PUM2: variants seen among roughly 807,000 people sequenced by gnomAD.
PUM2 encodes pumilio RNA binding family member 2, also known as pumilio homolog 2.
A neutral mutation model predicts 124.5 loss-of-function variants in PUM2; 57 were observed. That is an observed-to-expected ratio of 0.46 (90% CI 0.37 to 0.57). The LOEUF is 0.57. Among genes scored for constraint, PUM2 ranks in the 20% least tolerant of loss-of-function variants. PUM2 has a pLI of 0.00. For synonymous variants in PUM2, 460 were observed against 446.1 expected (o/e 1.03, Z -0.39); for missense variants, 1,065 against 1,290.6 (o/e 0.83, Z 2.68).
intron 4 of PUM2, 74 bp downstream of exon 4, chr2:20,312,162 A>T (rs1178447008): frequency 7.5e-7 from 1 of 1,342,050 alleles, no homozygotes; most frequent in African/African-American, 1.5e-5. Flanking sequence ...AAACAAATTG[A>T]ATTAAAAATA....
At chr2:20,275,736 G>C (rs1050277982) in intron 13 of PUM2, among the ~76,000 whole-genome samples, 2 of 151,852 alleles carry the variant, frequency 1.3e-5, no homozygotes, top group African/African-American at 4.8e-5. Flanking sequence ...AAGAGACATA[G>C]GAACATCTTA....
chr2:20,323,908 C>A (rs1446295546), intron 2 of PUM2, among the ~76,000 whole-genome samples: 9 of 58,422 alleles, frequency 1.5e-4, no homozygotes, highest in Admixed American at 2.8e-4. Context: ...TACGGACTAG[C>A]AAAAAAAAAA....
intron 1 of PUM2, among the ~76,000 whole-genome samples, chr2:20,328,507 C>T (rs948148490): frequency 6.6e-5 from 10 of 152,256 alleles, no homozygotes; most frequent in Middle Eastern, 3.4e-3. Context: ...AATAACCACT[C>T]CAAGACGACC....
intron 5 of PUM2, 71 bp from the exon 6 acceptor site, chr2:20,308,655 A>G: frequency 2.1e-6 from 3 of 1,410,628 alleles, no homozygotes; most frequent in Non-Finnish European, 2.9e-6. Context: ...GAAAATAGAA[A>G]AATCATGAAA....
At chr2:20,258,445 T>G (rs1665348994) in intron 15 of PUM2, 74 bp from the exon 16 acceptor site, 1 of 1,475,714 alleles carries the variant, frequency 6.8e-7, no homozygotes, top group African/African-American at 1.4e-5. Flanking sequence ...AGGCAGTGTT[T>G]GCAGTCTATT....
chr2:20,337,581 C>T (rs979505410), intron 1 of PUM2, among the ~76,000 whole-genome samples: 4 of 152,120 alleles, frequency 2.6e-5, no homozygotes, highest in Non-Finnish European at 5.9e-5. Context: ...AGCAGTCTGA[C>T]AGAAAGCCAC....
intron 1 of PUM2, among the ~76,000 whole-genome samples, chr2:20,342,066 T>G (rs1254201555): frequency 6.6e-6 from 1 of 151,150 alleles, no homozygotes; most frequent in Non-Finnish European, 1.5e-5. Flanking sequence ...GAGGTGGTGG[T>G]TGCATGGAGC....
intron 14 of PUM2, 27 bp from the exon 15 acceptor site, chr2:20,260,493 CAA>C (rs755188021): frequency 6.3e-7 from 1 of 1,575,982 alleles, no homozygotes; most frequent in South Asian, 1.1e-5. Context: ...TTTAATATGA[CAA>C]TATGTTTTTT....
At chr2:20,291,459 G>A (rs1674057059) in intron 9 of PUM2, among the ~76,000 whole-genome samples, 1 of 152,198 alleles carries the variant, frequency 6.6e-6, no homozygotes, top group Admixed American at 6.5e-5. Context: ...CCGACCGACT[G>A]CATATTCCTC....
chr2:20,297,503 T>C (rs1339816371), intron 8 of PUM2, 50 bp downstream of exon 8: 1 of 1,442,854 alleles, frequency 6.9e-7, no homozygotes, highest in Non-Finnish European at 9.3e-7. Flanking sequence ...CACCCAAAAC[T>C]AAATACATTA....
At chr2:20,336,861 A>T (rs1406916881) in intron 1 of PUM2, among the ~76,000 whole-genome samples, 1 of 150,906 alleles carries the variant, frequency 6.6e-6, no homozygotes, top group African/African-American at 2.4e-5. Flanking sequence ...AGTTCAAGTA[A>T]TCCTTCCACC....
intron 10 of PUM2, 50 bp downstream of exon 10, chr2:20,290,602 A>G (rs905374244): frequency 3.2e-6 from 5 of 1,545,230 alleles, no homozygotes; most frequent in Non-Finnish European, 4.4e-6. Flanking sequence ...GAGTACCTAC[A>G]CTTAACATCT....
chr2:20,272,971 A>G (rs1018201426), intron 13 of PUM2, among the ~76,000 whole-genome samples: 2 of 152,234 alleles, frequency 1.3e-5, no homozygotes, highest in Non-Finnish European at 2.9e-5. Flanking sequence ...TAAGAGATAT[A>G]TGCTACTTTC....
At position 20,336,746 on chromosome 2, in the gene PUM2, ATCTGTG is replaced by A. The variant is rs1204442216; in HGVS notation, c.-18-9374_-18-9369del. On this transcript the variant is annotated intron_variant, in intron 1 of 20. Transcript: ENST00000361078. ...GGGTCTCACCATGTTGCCCAGGCTG[ATCTGTG>A]TGTGTGTGTGTGTGTGTGTGTGTGT... is the stretch of plus-strand genomic sequence containing the variant. Among the ~76,000 whole-genome samples the A allele has an allele frequency of 1.7e-4, 15 of 87,382 alleles. No individual in the cohort carries two copies. In the South Asian group the frequency reaches 4.0e-3, roughly 23 times the overall value. 57.3% of individuals were successfully genotyped at this position (87,382 alleles called of 152,430 possible). A position where few individuals can be genotyped will look rare whatever the true frequency, so the allele number is the denominator to read the frequency against.
intron 1 of PUM2, chr2:20,350,380 G>T (rs1305377443): frequency 2.6e-6 from 2 of 773,348 alleles, no homozygotes; most frequent in Non-Finnish European, 3.1e-6. Context: ...AGCGGCCGGC[G>T]CGGCGCCCCC....
intron 5 of PUM2, among the ~76,000 whole-genome samples, chr2:20,309,721 G>A (rs1035143542): frequency 6.6e-6 from 1 of 152,068 alleles, no homozygotes; most frequent in East Asian, 1.9e-4. Context: ...TGTTCTACCT[G>A]GCTTTTAATG....
intron 19 of PUM2, 88 bp from the exon 20 acceptor site, chr2:20,254,102 G>T: frequency 1.7e-6 from 2 of 1,143,874 alleles, no homozygotes; most frequent in South Asian, 1.5e-5. Flanking sequence ...CTTCTCCAAT[G>T]AACAATAAAA....
At chr2:20,329,174 CAAA>C (rs769818181) in intron 1 of PUM2, among the ~76,000 whole-genome samples, 8 of 63,100 alleles carry the variant, frequency 1.3e-4, no homozygotes, top group Admixed American at 1.9e-4. Flanking sequence ...ACCCTGTCTC[CAAA>C]AAAAAAAAAA....
chr2:20,339,850 G>A (rs1686888212), intron 1 of PUM2, among the ~76,000 whole-genome samples: 2 of 152,106 alleles, frequency 1.3e-5, no homozygotes, highest in South Asian at 4.1e-4. Flanking sequence ...AGCCGAGATC[G>A]TGCCACTGTA....
Sources: allele counts gnomAD v4.1 joint callset (sites outside exome capture counted in the v4.1 genomes callset), GRCh38; gene constraint gnomAD v4.1.1; transcripts MANE v1.5; gene names NCBI Gene and HGNC (gene_info 2026-07-23, HGNC 2026-07-21).